CLEC12A: variants seen among roughly 807,000 people sequenced by gnomAD.
CLEC12A encodes the protein C-type lectin protein CLL-1.
A neutral mutation model predicts 26.5 loss-of-function variants in CLEC12A; 22 were observed. That is an observed-to-expected ratio of 0.83 (90% CI 0.59 to 1.19). CLEC12A has a LOEUF of 1.19. Among genes scored for constraint, CLEC12A ranks in the 50% most tolerant of loss-of-function variants. The pLI is 0.00. For synonymous variants in CLEC12A, 119 were observed against 101.9 expected, an observed-to-expected ratio of 1.17 and a Z score of -1.01; for missense variants, 353 against 315.6, an observed-to-expected ratio of 1.12 and a Z score of -0.90.
chr12:9,989,320 A>G, downstream of CLEC12A, among the ~76,000 whole-genome samples: 1 of 151,902 alleles, frequency 6.6e-6, no homozygotes, highest in Non-Finnish European at 1.5e-5. Flanking sequence ...ATATGTAACT[A>G]ACCTGCACGT....
intron 1 of CLEC12A, among the ~76,000 whole-genome samples, chr12:9,955,590 C>T (rs1472565326): frequency 2.0e-5 from 3 of 152,120 alleles, no homozygotes; most frequent in Admixed American, 1.3e-4. Flanking sequence ...TTTGGATGCT[C>T]ATGAGATGTG....
downstream of CLEC12A, among the ~76,000 whole-genome samples, chr12:9,995,882 C>T (rs1444587268): frequency 2.6e-5 from 4 of 152,156 alleles, no homozygotes; most frequent in East Asian, 1.9e-4. Context: ...ATACTCTTGT[C>T]GAGGTTAAGC....
intron 4 of CLEC12A, chr12:9,993,405 A>G: frequency 1.5e-6 from 1 of 668,260 alleles, no homozygotes; most frequent in Non-Finnish European, 2.3e-6. Context: ...GGAAAAAAAA[A>G]CAAAAAAAAA....
At chr12:9,983,329 T>C (rs1864635634) in intron 5 of CLEC12A, among the ~76,000 whole-genome samples, 1 of 152,124 alleles carries the variant, frequency 6.6e-6, no homozygotes, top group Middle Eastern at 3.2e-3. Context: ...GAATATAAAC[T>C]TCAGCTTAAT....
At chr12:9,957,667 A>C (rs1212538285) in intron 1 of CLEC12A, among the ~76,000 whole-genome samples, 3 of 152,150 alleles carry the variant, frequency 2.0e-5, no homozygotes, top group Non-Finnish European at 4.4e-5. Context: ...TTTTTATACA[A>C]ACGAAAGGGC....
chr12:9,973,863 G>A (rs1004604776), intron 1 of CLEC12A, among the ~76,000 whole-genome samples: 64 of 151,392 alleles, frequency 4.2e-4, no homozygotes, highest in African/African-American at 1.5e-3. Flanking sequence ...TTCCTTTTTG[G>A]TGCACCAACA....
intron 1 of CLEC12A, among the ~76,000 whole-genome samples, chr12:9,978,081 T>C (rs1467698620): frequency 2.0e-5 from 3 of 152,168 alleles, no homozygotes; most frequent in Non-Finnish European, 4.4e-5. Context: ...TCTCTGGATT[T>C]CACAATATTA....
At chr12:9,966,109 G>A (rs1044463588) in intron 1 of CLEC12A, among the ~76,000 whole-genome samples, 4 of 152,142 alleles carry the variant, frequency 2.6e-5, no homozygotes, top group Non-Finnish European at 5.9e-5. Flanking sequence ...TGTCTAAGTT[G>A]GCACAAGAGT....
At chr12:9,990,087 C>T (rs1473273228), downstream of CLEC12A, among the ~76,000 whole-genome samples, 1 of 152,026 alleles carries the variant, frequency 6.6e-6, no homozygotes, top group African/African-American at 2.4e-5. Flanking sequence ...GACAATGCAC[C>T]TAGTCACCCA....
At chr12:9,971,709 G>A (rs1203764990) in intron 1 of CLEC12A, 22 bp downstream of exon 1, 3 of 1,601,380 alleles carry the variant, frequency 1.9e-6, no homozygotes, top group South Asian at 1.1e-5. Flanking sequence ...AGTTATGGAT[G>A]TGTTGTAAGT....
intron 3 of CLEC12A, 123 bp from the exon 4 acceptor site, chr12:9,980,459 G>C: frequency 9.6e-7 from 1 of 1,040,528 alleles, no homozygotes; most frequent in Non-Finnish European, 1.4e-6. Flanking sequence ...GGGGGAAAGA[G>C]AGAAAGAAAA....
chr12:9,991,900 TA>T (rs1864902307), intron 4 of CLEC12A: 1 of 152,158 alleles, frequency 6.6e-6, no homozygotes, highest in African/African-American at 2.4e-5. Context: ...CTAACTGTAT[TA>T]AAGACTACTT....
chr12:9,980,456 A>G (rs1490720693), intron 3 of CLEC12A, 126 bp from the exon 4 acceptor site: 1 of 1,015,952 alleles, frequency 9.8e-7, no homozygotes. Flanking sequence ...AAAGGGGGAA[A>G]GAGAGAAAGA....
the CLEC12A span, among the ~76,000 whole-genome samples, chr12:10,003,678 C>T: frequency 0.44 from 66,760 of 151,768 alleles, 15,150 homozygotes; most frequent in Middle Eastern, 0.5. Flanking sequence ...CGTTGGGAGG[C>T]CAAGGTAGGA....
chr12:9,958,216 C>T (rs1295471647), intron 1 of CLEC12A, among the ~76,000 whole-genome samples: 1 of 152,222 alleles, frequency 6.6e-6, no homozygotes, highest in African/African-American at 2.4e-5. Flanking sequence ...ACTTTAGGCA[C>T]AATGTCTTTG....
intron 1 of CLEC12A, among the ~76,000 whole-genome samples, chr12:9,965,521 G>C (rs142818062): frequency 0.026 from 3,949 of 150,638 alleles, 63 homozygotes; most frequent in Middle Eastern, 0.034. Context: ...AGGCTGGGAT[G>C]ACGGGTGCAA....
At chr12:10,003,137 CT>C in the CLEC12A span, among the ~76,000 whole-genome samples, 1 of 152,146 alleles carries the variant, frequency 6.6e-6, no homozygotes, top group Non-Finnish European at 1.5e-5. Context: ...CACTTTTAAA[CT>C]AAAGCTGTTT....
chr12:9,996,851 T>C (rs367906128), downstream of CLEC12A: 2 of 1,613,928 alleles, frequency 1.2e-6, no homozygotes, highest in African/African-American at 2.7e-5. Context: ...CTTACCACAA[T>C]GTTCCGGTTG....
downstream of CLEC12A, among the ~76,000 whole-genome samples, chr12:9,990,113 A>G (rs924755414): frequency 2.0e-5 from 3 of 152,160 alleles, no homozygotes; most frequent in Non-Finnish European, 4.4e-5. Context: ...TCTTATAGAC[A>G]TGTACCGGGA....
Sources: gnomAD v4.1 joint callset for allele counts (sites outside exome capture counted in the v4.1 genomes callset) on GRCh38, gnomAD v4.1.1 for gene constraint, MANE v1.5 for transcripts, NCBI Gene and HGNC (gene_info 2026-07-23, HGNC 2026-07-21) for gene names.